Variants in SAMD12 observed in about 807,000 individuals in gnomAD.
The protein encoded by SAMD12 is sterile alpha motif domain containing 12, also known as sterile alpha motif domain-containing protein 12.
Under a neutral mutation model 15.0 loss-of-function variants are expected in SAMD12, and 9 were observed. That is an observed-to-expected ratio of 0.60 (90% CI 0.36 to 1.05). The LOEUF is 1.05. Ranked by LOEUF, SAMD12 falls within the 50% of genes least tolerant of loss-of-function variation. The probability of loss-of-function intolerance (pLI) is 0.01; values close to 1 mark genes in which losing one functional copy is unlikely to be tolerated. For missense variants in SAMD12, 230 were observed against 234.2 expected (o/e 0.98, Z 0.12); for synonymous variants, 86 against 90.1 (o/e 0.96, Z 0.25).
At chr8:118,494,796 A>T (rs1166164635) in intron 2 of SAMD12, among the ~76,000 whole-genome samples, 1 of 152,200 alleles carries the variant, frequency 6.6e-6, no homozygotes, top group Non-Finnish European at 1.5e-5. Context: ...TTGTGAGGAC[A>T]AAAACCATTT....
At chr8:118,484,968 T>G (rs1331389353) in intron 2 of SAMD12, among the ~76,000 whole-genome samples, 1 of 152,172 alleles carries the variant, frequency 6.6e-6, no homozygotes. Context: ...TGGTAATGGA[T>G]CTACCCAATG....
intron 2 of SAMD12, among the ~76,000 whole-genome samples, chr8:118,556,372 T>A (rs1826530250): frequency 1.3e-5 from 2 of 152,140 alleles, no homozygotes; most frequent in African/African-American, 4.8e-5. Flanking sequence ...GAACGAAGGG[T>A]GGCATTCTTC....
At chr8:118,613,174 G>A (rs984617989) in intron 1 of SAMD12, among the ~76,000 whole-genome samples, 6 of 152,156 alleles carry the variant, frequency 3.9e-5, no homozygotes, top group African/African-American at 1.4e-4. Context: ...AACTACAATA[G>A]CTGATTTTAC....
At chr8:118,424,912 G>C (rs1822174695) in intron 3 of SAMD12, among the ~76,000 whole-genome samples, 1 of 151,464 alleles carries the variant, frequency 6.6e-6, no homozygotes, top group Non-Finnish European at 1.5e-5. Flanking sequence ...ACTCTGACTT[G>C]ACAGGAAGAG....
chr8:118,231,714 G>A (rs1159391451), intron 4 of SAMD12, among the ~76,000 whole-genome samples: 1 of 152,108 alleles, frequency 6.6e-6, no homozygotes, highest in Non-Finnish European at 1.5e-5. Flanking sequence ...GAAGGATGTA[G>A]GAAAGAGGCT....
At chr8:118,387,631 T>C (rs1339153739) in intron 3 of SAMD12, among the ~76,000 whole-genome samples, 1 of 152,320 alleles carries the variant, frequency 6.6e-6, no homozygotes, top group Non-Finnish European at 1.5e-5. Flanking sequence ...GCCTTATACC[T>C]AATAACCTGC....
intron 4 of SAMD12, among the ~76,000 whole-genome samples, chr8:118,289,922 CA>C (rs1365246409): frequency 6.6e-6 from 1 of 152,076 alleles, no homozygotes; most frequent in Non-Finnish European, 1.5e-5. Flanking sequence ...ACTACATTTC[CA>C]AATCAGAAAG....
chr8:118,313,165 G>A (rs1197591572), intron 4 of SAMD12, among the ~76,000 whole-genome samples: 3 of 152,100 alleles, frequency 2.0e-5, no homozygotes, highest in East Asian at 1.9e-4. Flanking sequence ...ATTTAAGGAA[G>A]GAATTTTCTC....
intron 3 of SAMD12, among the ~76,000 whole-genome samples, chr8:118,404,114 C>T (rs1330332452): frequency 1.3e-5 from 2 of 152,134 alleles, no homozygotes; most frequent in Non-Finnish European, 2.9e-5. Context: ...TCCCAAGTAG[C>T]TGGGACTATG....
chr8:118,153,621 G>A, the SAMD12 span, among the ~76,000 whole-genome samples: 1 of 152,062 alleles, frequency 6.6e-6, no homozygotes, highest in Non-Finnish European at 1.5e-5. Flanking sequence ...TCTTCTTTGC[G>A]TTGGCTGTCT....
intron 3 of SAMD12, among the ~76,000 whole-genome samples, chr8:118,432,591 T>C (rs572228765): frequency 6.6e-6 from 1 of 152,186 alleles, no homozygotes; most frequent in Admixed American, 6.5e-5. Context: ...CAACTTACTG[T>C]GATAAGTCTT....
chr8:118,561,563 A>G (rs1216111878), intron 2 of SAMD12, among the ~76,000 whole-genome samples: 1 of 152,220 alleles, frequency 6.6e-6, no homozygotes, highest in Non-Finnish European at 1.5e-5. Context: ...CCTTCTTCAC[A>G]TGGCAGCAGC....
chr8:118,221,717 G>T (rs1812085843), intron 4 of SAMD12, among the ~76,000 whole-genome samples: 1 of 152,130 alleles, frequency 6.6e-6, no homozygotes. Context: ...CATAGCAGAG[G>T]GTGTGCCACG....
chr8:118,264,801 C>T (rs1267662673), intron 4 of SAMD12, among the ~76,000 whole-genome samples: 1 of 152,086 alleles, frequency 6.6e-6, no homozygotes, highest in Non-Finnish European at 1.5e-5. Context: ...AAGTGGAGAA[C>T]CTAAACTGAG....
chr8:118,200,783 TG>T (rs1034658661), intron 4 of SAMD12, among the ~76,000 whole-genome samples: 1 of 152,212 alleles, frequency 6.6e-6, no homozygotes, highest in Non-Finnish European at 1.5e-5. Context: ...GTAAGACACG[TG>T]GTGAAAGTAG....
intron 2 of SAMD12, among the ~76,000 whole-genome samples, chr8:118,458,982 G>C (rs1823337964): frequency 7.6e-6 from 1 of 131,424 alleles, no homozygotes; most frequent in South Asian, 2.5e-4. Context: ...GTGTGTGTGT[G>C]TGTTTATTCA....
the SAMD12 span, among the ~76,000 whole-genome samples, chr8:118,182,031 C>T: frequency 1.3e-5 from 2 of 151,846 alleles, no homozygotes; most frequent in Admixed American, 1.3e-4. Flanking sequence ...TTTTTTTTTC[C>T]ACTTGGCCGC....
chr8:118,346,695 G>A (rs1817678674), intron 4 of SAMD12, among the ~76,000 whole-genome samples: 1 of 152,156 alleles, frequency 6.6e-6, no homozygotes, highest in African/African-American at 2.4e-5. Context: ...TGTATTCATG[G>A]CTAAGATTTA....
the SAMD12 span, among the ~76,000 whole-genome samples, chr8:118,174,947 C>A: frequency 6.9e-6 from 1 of 143,952 alleles, no homozygotes; most frequent in Non-Finnish European, 1.5e-5. Flanking sequence ...AATAGTTCAG[C>A]AAATATTTCC....
Sources: allele counts gnomAD v4.1 joint callset (sites outside exome capture counted in the v4.1 genomes callset), GRCh38; gene constraint gnomAD v4.1.1; transcripts MANE v1.5; gene names NCBI Gene and HGNC (gene_info 2026-07-23, HGNC 2026-07-21).